Variants in NCR3LG1 observed in about 807,000 individuals in gnomAD.
The protein encoded by NCR3LG1 is natural cytotoxicity triggering receptor 3 ligand 1.
NCR3LG1 carries 35 observed loss-of-function variants against 34.8 expected under a neutral mutation model. The ratio of observed to expected loss-of-function variants is 1.01; its 90% CI spans 0.77 to 1.33. The LOEUF (loss-of-function observed/expected upper bound fraction) is 1.33. NCR3LG1 is among the 40% of genes most tolerant of loss of function. NCR3LG1 has a pLI of 0.00. For synonymous variants in NCR3LG1, 173 were observed against 163.6 expected (o/e 1.06, Z -0.44); for missense variants, 452 against 423.3 (o/e 1.07, Z -0.60).
intron 1 of NCR3LG1, among the ~76,000 whole-genome samples, chr11:17,355,699 G>A (rs1396845831): frequency 6.6e-6 from 1 of 152,214 alleles, no homozygotes. Context: ...GGTTTCTGGT[G>A]AGAGCCTCAT....
chr11:17,362,732 CTTT>C, intron 2 of NCR3LG1, among the ~76,000 whole-genome samples: 1 of 102,658 alleles, frequency 9.7e-6, no homozygotes, highest in South Asian at 3.0e-4. Flanking sequence ...TTCTTTCTTT[CTTT>C]CTTTCTTTCT....
At chr11:17,368,827 CAGT>C (rs1157777362) in intron 3 of NCR3LG1, 37 bp from the exon 4 acceptor site, 6 of 1,352,710 alleles carry the variant, frequency 4.4e-6, no homozygotes, top group South Asian at 1.2e-5. Flanking sequence ...TGGCCCTTGC[CAGT>C]AGGTTTCCTG....
intron 4 of NCR3LG1, among the ~76,000 whole-genome samples, chr11:17,370,040 A>G (rs1953389469): frequency 6.6e-6 from 1 of 152,202 alleles, no homozygotes; most frequent in Admixed American, 6.5e-5. Flanking sequence ...CATGCTCACA[A>G]TAGAAAATTC....
intron 1 of NCR3LG1, 136 bp downstream of exon 1, chr11:17,352,175 T>TC: frequency 2.5e-6 from 1 of 407,456 alleles, no homozygotes; most frequent in Non-Finnish European, 4.3e-6. Context: ...CTATTTCTTC[T>TC]CCTTTTTTTT....
chr11:17,354,147 T>C (rs1011095894), intron 1 of NCR3LG1, among the ~76,000 whole-genome samples: 3 of 152,278 alleles, frequency 2.0e-5, no homozygotes, highest in Non-Finnish European at 4.4e-5. Flanking sequence ...TGTAAAGCTG[T>C]AGTTAACAGT....
intron 4 of NCR3LG1, among the ~76,000 whole-genome samples, chr11:17,371,320 C>T (rs1953403556): frequency 6.6e-6 from 1 of 152,048 alleles, no homozygotes; most frequent in Non-Finnish European, 1.5e-5. Flanking sequence ...TGTGAGAAGC[C>T]TTGTCAGCCC....
Position 17,367,022 on chromosome 11 carries a change from C to G in NCR3LG1, c.435C>G (p.Ser145Arg), listed in dbSNP as rs751519134. Residue 145 changes from serine to arginine, a missense_variant, in exon 3 of 5, where the codon AGC (serine) becomes AGG (arginine). Coordinates refer to ENST00000338965, the MANE Select transcript of NCR3LG1 (RefSeq NM_001202439.3). ...TTTCCCTGACAGCTTCCCCAGCCAG[C>G]AGATTGTTGCTGGATCAAGTGGGCA... ...VQLEVVASPASRLLLDQVGMK... is the reference protein window; with the variant it reads ...VQLEVVASPARRLLLDQVGMK... The G allele has an allele frequency of 6.5e-7, 1 of 1,531,132 alleles. No individual in the cohort carries two copies. Among genetic ancestry groups the G allele is most frequent in the Non-Finnish European group, 8.7e-7 (1 of 1,143,042 alleles). 94.8% of individuals were successfully genotyped at this position (1,531,132 alleles called of 1,614,324 possible).
At chr11:17,379,420 G>A (rs1462041048), downstream of NCR3LG1, among the ~76,000 whole-genome samples, 1 of 152,202 alleles carries the variant, frequency 6.6e-6, no homozygotes, top group Admixed American at 6.5e-5. Flanking sequence ...GTGTAACTTT[G>A]TAGTGCCTCT....
downstream of NCR3LG1, among the ~76,000 whole-genome samples, chr11:17,379,695 C>T (rs543900609): frequency 2.5e-4 from 38 of 152,322 alleles, 1 homozygote; most frequent in Admixed American, 1.6e-3. Flanking sequence ...GCAGAGCTGG[C>T]AGAGCCAACT....
intron 1 of NCR3LG1, 138 bp downstream of exon 1, chr11:17,352,177 CTTTT>C (rs34454730): frequency 0.034 from 9,862 of 289,684 alleles, 1 homozygote; most frequent in East Asian, 0.084. Flanking sequence ...ATTTCTTCTC[CTTTT>C]TTTTTTTTTT....
rs1360209735 is a variant in NCR3LG1 at position 17,373,859 on chromosome 11, C to T, written c.*1347C>T. ...CTTATGGCTCCAGGACAAACTCCGC[C>T]TCCCCTTAGTGGAAACCAGTATTAA... On this transcript the variant is annotated 3_prime_UTR_variant, in exon 5 of 5. Coordinates refer to ENST00000338965, the MANE Select transcript of NCR3LG1 (RefSeq NM_001202439.3). 1 of 152,252 alleles carries T rather than the reference C, an allele frequency of 6.6e-6. No homozygotes were observed. 9.4% of individuals were successfully genotyped at this position (152,252 alleles called of 1,614,324 possible).
chr11:17,368,900 G>A lies in NCR3LG1; in HGVS notation c.794G>A (p.Trp265Ter). The change falls in exon 4 of 5, where the codon TGG becomes TAG. Residue 265 changes from tryptophan (W) to a stop codon, truncating the protein, a stop_gained. Coordinates refer to ENST00000338965, the MANE Select transcript of NCR3LG1 (RefSeq NM_001202439.3). LOFTEE classifies it high-confidence loss of function. ...AAGACAGATAATTTTTCCATTCATT[G>A]GTGGCCTATTTCATTCATTGGTGTT... ...TEKTDNFSIH[W>*]WPISFIGVGL... is the part of the protein sequence containing the mutation. The A allele has an allele frequency of 6.5e-7, 1 of 1,534,606 alleles. No homozygotes were observed. The highest frequency in any genetic ancestry group is 8.7e-7 in the Non-Finnish European group (1 of 1,145,744).
chr11:17,351,903 C>A lies in NCR3LG1; in HGVS notation c.-67C>A. 1.6e-6 allele frequency: 2 copies of A among 1,252,342 alleles called. No homozygotes were observed. The highest frequency in any genetic ancestry group is 2.2e-6 in the Non-Finnish European group (2 of 890,286). The allele number at this position is 1,252,342 out of a possible 1,614,324, so 77.6% of individuals were successfully genotyped here. On this transcript the variant is annotated 5_prime_UTR_variant, in exon 1 of 5. Transcript: ENST00000338965. ...TTTACGCAACAGAGGTCTCCCCCTG[C>A]CCTTGGTTTCTACCGGGCCGCCTGC...
intron 2 of NCR3LG1, among the ~76,000 whole-genome samples, chr11:17,358,905 T>C (rs537306874): frequency 6.6e-6 from 1 of 152,332 alleles, no homozygotes; most frequent in East Asian, 1.9e-4. Flanking sequence ...CCCCAATCAT[T>C]GTAAGATTTT....
intron 1 of NCR3LG1, among the ~76,000 whole-genome samples, chr11:17,355,543 T>C (rs371378955): frequency 3.3e-5 from 5 of 152,296 alleles, no homozygotes; most frequent in East Asian, 3.9e-4. Context: ...GAAAGAAATT[T>C]AAAATCTAAA....
rs1265703050 is a variant in NCR3LG1 at position 17,375,043 on chromosome 11, C to G, written c.*2531C>G. On this transcript the variant is annotated 3_prime_UTR_variant, in exon 5 of 5. Transcript: ENST00000338965. The stretch of plus-strand genomic sequence containing the variant: ...GCCTCTGAGCAGTTACAGTAGTGGC[C>G]CTGCTAGTCCCAGAGGCCACCAAGT... The G allele has an allele frequency of 1.3e-5, 2 of 152,168 alleles. No individual in the cohort carries two copies. Among genetic ancestry groups the G allele is most frequent in the Admixed American group, 6.5e-5 (1 of 15,280 alleles). 9.4% of individuals were successfully genotyped at this position (152,168 alleles called of 1,614,324 possible).
At chr11:17,352,407 C>T (rs907322295) in intron 1 of NCR3LG1, among the ~76,000 whole-genome samples, 1 of 152,050 alleles carries the variant, frequency 6.6e-6, no homozygotes, top group Non-Finnish European at 1.5e-5. Context: ...GTCTCCTTGA[C>T]CTAGTGATCC....
Position 17,368,940 on chromosome 11 carries a change from A to G in NCR3LG1, c.834A>G (p.Leu278=). 1.3e-6 allele frequency: 2 copies of G among 1,533,640 alleles called. No homozygotes were observed. The highest frequency in any genetic ancestry group is 1.7e-6 in the Non-Finnish European group (2 of 1,144,920). Reference sequence around the variant, plus strand: ...TCATTGGTGTTGGACTGGTTTTATTAATTGTTTTGATTCCTTGGAAAAAGG... The same window carrying G: ...TCATTGGTGTTGGACTGGTTTTATTGATTGTTTTGATTCCTTGGAAAAAGG... ...ISFIGVGLVL[L]IVLIPWKKIC... Residue 278 remains leucine, a synonymous_variant, in exon 4 of 5, where the codon TTA becomes TTG. Transcript: ENST00000338965.
Position 17,352,049 on chromosome 11 carries a change from G to A in NCR3LG1, c.70+10G>A. On this transcript the variant is annotated intron_variant, in intron 1 of 4. Transcript: ENST00000338965. The stretch of plus-strand genomic sequence containing the variant: ...GCGCTGACGACCGAAGGTAGGGGGC[G>A]GCTGGGGTGGGCTGGGGCGGGGGCT... 1 of 1,453,942 alleles carries A rather than the reference G, an allele frequency of 6.9e-7. No individual in the cohort carries two copies. 90.1% of individuals were successfully genotyped at this position (1,453,942 alleles called of 1,614,324 possible). A position where few individuals can be genotyped will look rare whatever the true frequency, so the allele number is the denominator to read the frequency against.
Sources: allele counts gnomAD v4.1 joint callset (sites outside exome capture counted in the v4.1 genomes callset), GRCh38; gene constraint gnomAD v4.1.1; transcripts MANE v1.5; gene names NCBI Gene and HGNC (gene_info 2026-07-23, HGNC 2026-07-21).